DACH1: variants seen among roughly 807,000 people sequenced by gnomAD.
DACH1 encodes dachshund homolog 1.
In DACH1, 12 loss-of-function variants were observed where a neutral mutation model predicts 54.2. The ratio of observed to expected loss-of-function variants is 0.22; its 90% CI spans 0.14 to 0.36. The LOEUF (loss-of-function observed/expected upper bound fraction) is 0.36. Ranked by LOEUF, DACH1 falls within the 10% of genes least tolerant of loss-of-function variation. DACH1 has a pLI of 1.00. For synonymous variants in DACH1, 386 were observed against 366.2 expected, an observed-to-expected ratio of 1.05 and a Z score of -0.62; for missense variants, 805 against 929.8, an observed-to-expected ratio of 0.87 and a Z score of 1.75.
intron 2 of DACH1, among the ~76,000 whole-genome samples, chr13:71,673,355 G>C (rs1880318702): frequency 6.6e-6 from 1 of 151,992 alleles, no homozygotes; most frequent in Non-Finnish European, 1.5e-5. Context: ...GGAAAAAGAA[G>C]TAAATATATT....
At chr13:71,528,180 C>T (rs1882137572) in intron 6 of DACH1, among the ~76,000 whole-genome samples, 2 of 151,716 alleles carry the variant, frequency 1.3e-5, no homozygotes, top group South Asian at 4.2e-4. Context: ...GATGACACAC[C>T]GTATATACCA....
At chr13:71,762,290 A>G (rs1399175201) in intron 1 of DACH1, among the ~76,000 whole-genome samples, 3 of 152,130 alleles carry the variant, frequency 2.0e-5, no homozygotes, top group Admixed American at 1.3e-4. Context: ...GAAGGCCTAC[A>G]GTGTCTTAGT....
chr13:71,755,412 G>A (rs1208688167), intron 1 of DACH1, among the ~76,000 whole-genome samples: 1 of 152,136 alleles, frequency 6.6e-6, no homozygotes, highest in Non-Finnish European at 1.5e-5. Flanking sequence ...CAGTGGGCCA[G>A]ACGAAACTGG....
intron 1 of DACH1, among the ~76,000 whole-genome samples, chr13:71,818,310 G>A (rs1868539931): frequency 6.6e-6 from 1 of 152,170 alleles, no homozygotes; most frequent in Non-Finnish European, 1.5e-5. Flanking sequence ...TCACTAGGTT[G>A]TCTGTGAAGG....
intron 2 of DACH1, among the ~76,000 whole-genome samples, chr13:71,671,649 C>T (rs1480364330): frequency 6.6e-6 from 1 of 152,050 alleles, no homozygotes; most frequent in Non-Finnish European, 1.5e-5. Context: ...GGAAAATTTA[C>T]AGCTGATGGT....
intron 6 of DACH1, among the ~76,000 whole-genome samples, chr13:71,555,822 T>C (rs1223232084): frequency 2.6e-5 from 4 of 152,150 alleles, no homozygotes. Context: ...TGCACTGCAT[T>C]CGAATGCCTA....
At chr13:71,834,782 C>A (rs961781529) in intron 1 of DACH1, among the ~76,000 whole-genome samples, 17 of 151,970 alleles carry the variant, frequency 1.1e-4, no homozygotes, top group Non-Finnish European at 2.2e-4. Flanking sequence ...CATTTGAGAT[C>A]AAAGAAATCA....
At chr13:71,516,548 C>T (rs555334822) in intron 6 of DACH1, among the ~76,000 whole-genome samples, 2 of 151,978 alleles carry the variant, frequency 1.3e-5, no homozygotes, top group East Asian at 3.9e-4. Flanking sequence ...CTCTCTCCCC[C>T]ACCTTAAAAC....
intron 4 of DACH1, among the ~76,000 whole-genome samples, chr13:71,572,557 T>A (rs991271134): frequency 1.3e-5 from 2 of 152,120 alleles, no homozygotes; most frequent in Admixed American, 6.5e-5. Flanking sequence ...CACACACGCA[T>A]ACACACAACT....
chr13:71,472,892 C>A (rs1219584631), intron 10 of DACH1, among the ~76,000 whole-genome samples: 1 of 152,048 alleles, frequency 6.6e-6, no homozygotes, highest in Non-Finnish European at 1.5e-5. Context: ...TAATTGTATT[C>A]TGTTTGTTAG....
chr13:71,580,332 C>A (rs951105427), intron 3 of DACH1, among the ~76,000 whole-genome samples: 6 of 152,070 alleles, frequency 3.9e-5, no homozygotes, highest in Non-Finnish European at 1.5e-5. Flanking sequence ...GTTAGGTAAA[C>A]CAATGAACTA....
intron 1 of DACH1, among the ~76,000 whole-genome samples, chr13:71,722,483 A>G (rs1883273236): frequency 6.6e-6 from 1 of 152,200 alleles, no homozygotes; most frequent in African/African-American, 2.4e-5. Flanking sequence ...AGCTTTCTGG[A>G]CAGAACTTGA....
intron 1 of DACH1, among the ~76,000 whole-genome samples, chr13:71,789,640 C>T (rs1020382793): frequency 5.9e-5 from 9 of 152,010 alleles, no homozygotes; most frequent in Middle Eastern, 3.2e-3. Flanking sequence ...GCACACTACA[C>T]GCTAAAGGGC....
intron 2 of DACH1, among the ~76,000 whole-genome samples, chr13:71,651,922 T>C (rs137861880): frequency 1.3e-5 from 2 of 152,190 alleles, no homozygotes; most frequent in Non-Finnish European, 2.9e-5. Flanking sequence ...ACAGACAGCA[T>C]GTCTTACTCA....
chr13:71,845,059 A>AC (rs1873135141), intron 1 of DACH1, among the ~76,000 whole-genome samples: 1 of 152,168 alleles, frequency 6.6e-6, no homozygotes, highest in Non-Finnish European at 1.5e-5. Context: ...ACTGTAGGGT[A>AC]CCTATAGTTA....
At chr13:71,660,070 A>T (rs181946311) in intron 2 of DACH1, among the ~76,000 whole-genome samples, 2 of 152,280 alleles carry the variant, frequency 1.3e-5, no homozygotes, top group African/African-American at 4.8e-5. Flanking sequence ...TTAGGAACCT[A>T]ATGATGCAAA....
intron 6 of DACH1, among the ~76,000 whole-genome samples, chr13:71,503,201 C>A (rs1880057224): frequency 6.6e-6 from 1 of 152,122 alleles, no homozygotes; most frequent in African/African-American, 2.4e-5. Flanking sequence ...TCAAATTCAT[C>A]AAAAATTATT....
chr13:71,795,301 A>T (rs1272062576), intron 1 of DACH1, among the ~76,000 whole-genome samples: 2 of 152,156 alleles, frequency 1.3e-5, no homozygotes, highest in Non-Finnish European at 2.9e-5. Flanking sequence ...TAAAAATCTC[A>T]CTTCTTAATG....
chr13:71,479,416 T>C (rs1409129911), intron 7 of DACH1, 100 bp from the exon 8 acceptor site: 10 of 1,207,242 alleles, frequency 8.3e-6, no homozygotes, highest in Admixed American at 2.2e-5. Context: ...AGTGATCAAA[T>C]GACCTAATTC....
Sources: gnomAD v4.1 joint callset for allele counts (sites outside exome capture counted in the v4.1 genomes callset) on GRCh38, gnomAD v4.1.1 for gene constraint, MANE v1.5 for transcripts, NCBI Gene and HGNC (gene_info 2026-07-23, HGNC 2026-07-21) for gene names.